Variants in MTAP observed in about 807,000 individuals in gnomAD.
The protein encoded by MTAP is methylthioadenosine phosphorylase, also known as S-methyl-5'-thioadenosine phosphorylase.
In MTAP, 33 loss-of-function variants were observed where a neutral mutation model predicts 33.6. That is an observed-to-expected ratio of 0.98 (90% CI 0.74 to 1.31). MTAP has a LOEUF of 1.31. Ranked by LOEUF, MTAP falls within the 40% of genes most tolerant of loss-of-function variation. The pLI is 0.00. For missense variants in MTAP, 367 were observed against 360.0 expected (o/e 1.02, Z -0.16); for synonymous variants, 148 against 125.7 (o/e 1.18, Z -1.19).
rs758303748 is a variant in MTAP at position 21,863,510 on chromosome 9, G to T, written c.*1496G>T. 47 of 548,030 alleles carry T rather than the reference G, an allele frequency of 8.6e-5. No homozygotes were observed. The highest frequency in any genetic ancestry group is 1.0e-4 in the Non-Finnish European group (45 of 430,458). The allele number at this position is 548,030 out of a possible 1,614,324, so 33.9% of individuals were successfully genotyped here. On this transcript the variant is annotated 3_prime_UTR_variant, in exon 8 of 8. Transcript: ENST00000644715. ...TAGTCCCAGCTACTCAGGAGGCTGA[G>T]GCAGGAGAATGGTGTGAACCTGGGA...
intron 4 of MTAP, among the ~76,000 whole-genome samples, chr9:21,824,615 C>T (rs1824738163): frequency 6.6e-6 from 1 of 152,212 alleles, no homozygotes; most frequent in Non-Finnish European, 1.5e-5. Flanking sequence ...AGAACCACTA[C>T]TCTCTTCAAA....
intron 4 of MTAP, among the ~76,000 whole-genome samples, chr9:21,826,172 T>A (rs955784774): frequency 6.9e-6 from 1 of 145,392 alleles, no homozygotes; most frequent in African/African-American, 2.5e-5. Flanking sequence ...AATTCCTAGC[T>A]TCAAGAGAAC....
rs117074669 is a variant in MTAP at position 21,895,293 on chromosome 9, G to A, written c.148-35715G>A. On this transcript the variant is annotated intron_variant, in intron 1 of 1. Coordinates refer to the MTAP transcript ENST00000577563. Reference sequence around the variant, plus strand: ...CTTCAAAGTACACTACAAGGCAACAGTAACCAAAATAGCATGGTACTTGTA... The same window carrying A: ...CTTCAAAGTACACTACAAGGCAACAATAACCAAAATAGCATGGTACTTGTA... Among the ~76,000 whole-genome samples, 864 of 152,328 alleles carry A rather than the reference G, an allele frequency of 5.7e-3. 15 individuals carry two copies. The highest frequency in any genetic ancestry group is 0.051 in the East Asian group (267 of 5,192).
Position 21,802,716 on chromosome 9 carries a change from C to G in MTAP, c.-33C>G. The G allele has an allele frequency of 1.2e-6, 2 of 1,610,174 alleles. No homozygotes were observed. Among genetic ancestry groups the G allele is most frequent in the Admixed American group, 1.7e-5 (1 of 59,776 alleles). ...CGCTTGGTTCCCTTAGTCCCGAGCG[C>G]TCGCCCACTGCAGATTCCTTTCCCG... is the stretch of plus-strand genomic sequence containing the variant. On this transcript the variant is annotated 5_prime_UTR_variant, in exon 1 of 8. Coordinates refer to ENST00000644715, the MANE Select transcript of MTAP (RefSeq NM_002451.4).
At chr9:21,914,864 AAAG>A (rs1818648926) in intron 1 of MTAP, among the ~76,000 whole-genome samples, 1 of 151,854 alleles carries the variant, frequency 6.6e-6, no homozygotes, top group Admixed American at 6.6e-5. Flanking sequence ...ATAGAAAAAA[AAAG>A]AAATTGCCTA....
intron 5 of MTAP, among the ~76,000 whole-genome samples, chr9:21,843,681 A>C (rs1442409108): frequency 1.3e-5 from 2 of 152,338 alleles, no homozygotes; most frequent in South Asian, 2.1e-4. Flanking sequence ...ATGGAAATTA[A>C]AATATTCTTT....
At chr9:21,839,680 T>C (rs1825195458) in intron 5 of MTAP, among the ~76,000 whole-genome samples, 2 of 151,732 alleles carry the variant, frequency 1.3e-5, no homozygotes, top group East Asian at 3.9e-4. Flanking sequence ...ACATGAAGAG[T>C]AAATAGTGCT....
At chr9:21,934,225 T>G (rs1436127465), downstream of MTAP, 2 of 152,248 alleles carry the variant, frequency 1.3e-5, no homozygotes, top group Non-Finnish European at 2.9e-5. The surrounding 1 kb of genome is among the most constrained non-coding windows in gnomAD (Gnocchi z 5.0). Context: ...TCTAAGTGGT[T>G]GAAGTATGGC....
intron 1 of MTAP, among the ~76,000 whole-genome samples, chr9:21,877,598 T>G: frequency 6.6e-6 from 1 of 152,214 alleles, no homozygotes; most frequent in Non-Finnish European, 1.5e-5. Flanking sequence ...AAGCCTTTTC[T>G]GCATCTATTG....
rs879441545 is a variant in MTAP at position 21,865,037 on chromosome 9, T to A, written c.*3023T>A. ...TCTGATGGGTTAGGAAGTCACGAAA[T>A]GAGGAGTTCTTGCCACATTTGCAGA... On this transcript the variant is annotated 3_prime_UTR_variant, in exon 8 of 8. Transcript: ENST00000644715. The A allele has an allele frequency of 1.0e-6, 1 of 985,466 alleles. No homozygotes were observed. The highest frequency in any genetic ancestry group is 6.1e-5 in the Admixed American group (1 of 16,286). The allele number at this position is 985,466 out of a possible 1,614,324, so 61.0% of individuals were successfully genotyped here. A position where few individuals can be genotyped will look rare whatever the true frequency, so the allele number is the denominator to read the frequency against.
intron 1 of MTAP, among the ~76,000 whole-genome samples, chr9:21,908,688 TTTTG>T (rs1397860781): frequency 2.6e-5 from 4 of 152,100 alleles, no homozygotes; most frequent in African/African-American, 9.7e-5. Flanking sequence ...TTTCTCTAGT[TTTTG>T]TTTTAGTTTT....
intron 4 of MTAP, among the ~76,000 whole-genome samples, chr9:21,832,111 A>G (rs1339080520): frequency 6.6e-6 from 1 of 152,096 alleles, no homozygotes; most frequent in Non-Finnish European, 1.5e-5. Flanking sequence ...TCTTCAACTT[A>G]TTTTCTTGGT....
At chr9:21,815,154 T>C (rs1824444560) in intron 1 of MTAP, among the ~76,000 whole-genome samples, 1 of 152,202 alleles carries the variant, frequency 6.6e-6, no homozygotes, top group African/African-American at 2.4e-5. Flanking sequence ...TATGCTGACT[T>C]GTAATTCAGA....
At chr9:21,870,242 G>A (rs1477533935), downstream of MTAP, among the ~76,000 whole-genome samples, 3 of 152,074 alleles carry the variant, frequency 2.0e-5, no homozygotes, top group Admixed American at 2.0e-4. Context: ...CAGCTTTTTT[G>A]TTTTTCCCAT....
chr9:21,861,979 A>G lies in MTAP; in HGVS notation c.817A>G (p.Met273Val). 1 of 1,563,376 alleles carries G rather than the reference A, an allele frequency of 6.4e-7. No individual in the cohort carries two copies. The highest frequency in any genetic ancestry group is 8.8e-7 in the Non-Finnish European group (1 of 1,134,036). The change falls in exon 8 of 8, where the codon ATG becomes GTG. Residue 273 changes from methionine (M) to valine (V), a missense_variant. By Grantham distance (21) the Met-to-Val change is conservative. Transcript: ENST00000644715. ...CTGCCTCCTTTCTTCCTTTCAGAAT[A>G]TGGCCCAGTTTTCTGTTTTATTACC... ...WSETLHNLKN[M>V]AQFSVLLPRH
chr9:21,820,291 C>T (rs890410749), intron 4 of MTAP, among the ~76,000 whole-genome samples: 1 of 152,282 alleles, frequency 6.6e-6, no homozygotes, highest in Admixed American at 6.5e-5. Context: ...ACATTTAAGT[C>T]TTTAATCTAT....
At chr9:21,938,526 C>A (rs373447989), downstream of MTAP, among the ~76,000 whole-genome samples, 19 of 152,124 alleles carry the variant, frequency 1.2e-4, no homozygotes, top group African/African-American at 4.6e-4. Flanking sequence ...TGATGTTTAA[C>A]CTTCTTATGT....
intron 1 of MTAP, among the ~76,000 whole-genome samples, chr9:21,911,431 C>T (rs1424029899): frequency 6.6e-6 from 1 of 152,168 alleles, no homozygotes; most frequent in Non-Finnish European, 1.5e-5. Context: ...TAAACTGTCT[C>T]TCAGACCACA....
intron 1 of MTAP, among the ~76,000 whole-genome samples, chr9:21,890,875 G>A (rs751435426): frequency 7.9e-5 from 12 of 152,096 alleles, no homozygotes; most frequent in Non-Finnish European, 1.5e-4. Context: ...GTACATTCTT[G>A]TGGTCGTTCT....
Sources: gnomAD v4.1 joint callset for allele counts (sites outside exome capture counted in the v4.1 genomes callset) on GRCh38, gnomAD v4.1.1 for gene constraint, Gnocchi (gnomAD v3.1) non-coding constraint, MANE v1.5 for transcripts, NCBI Gene and HGNC (gene_info 2026-07-23, HGNC 2026-07-21) for gene names.